Variants in TTC29 observed in about 807,000 individuals in gnomAD.
The protein encoded by TTC29 is tetratricopeptide repeat protein 29.
TTC29 carries 49 observed loss-of-function variants against 58.1 expected under a neutral mutation model. That is an observed-to-expected ratio of 0.84 (90% CI 0.67 to 1.07). The LOEUF (loss-of-function observed/expected upper bound fraction) is 1.07. Among genes scored for constraint, TTC29 ranks in the 50% least tolerant of loss-of-function variants. The probability of loss-of-function intolerance (pLI) is 0.00; values close to 1 mark genes in which losing one functional copy is unlikely to be tolerated. For synonymous variants in TTC29, 209 were observed against 196.8 expected, an observed-to-expected ratio of 1.06 and a Z score of -0.52; for missense variants, 582 against 555.6, an observed-to-expected ratio of 1.05 and a Z score of -0.48.
intron 11 of TTC29, among the ~76,000 whole-genome samples, chr4:146,761,355 A>T (rs1746884625): frequency 6.6e-6 from 1 of 151,970 alleles, no homozygotes; most frequent in South Asian, 2.1e-4. Flanking sequence ...AATTCCACAA[A>T]TTAGAGTGGG....
chr4:146,821,437 TA>T (rs955029936), intron 9 of TTC29, among the ~76,000 whole-genome samples: 9 of 151,338 alleles, frequency 5.9e-5, no homozygotes, highest in African/African-American at 1.9e-4. Context: ...AAGCTGTTTT[TA>T]AAAAAAAACT....
At chr4:146,818,154 A>G (rs1033745656) in intron 10 of TTC29, among the ~76,000 whole-genome samples, 8 of 152,142 alleles carry the variant, frequency 5.3e-5, no homozygotes, top group Non-Finnish European at 7.4e-5. Context: ...GCAACCTACA[A>G]AATGGGAGAA....
intron 4 of TTC29, among the ~76,000 whole-genome samples, chr4:146,921,629 G>A (rs765786270): frequency 3.5e-4 from 53 of 150,926 alleles, no homozygotes; most frequent in Non-Finnish European, 6.7e-4. Context: ...AATATAGCAG[G>A]TGGGAAACAA....
chr4:146,880,798 A>C (rs1731574204), intron 6 of TTC29, among the ~76,000 whole-genome samples: 1 of 152,114 alleles, frequency 6.6e-6, no homozygotes, highest in South Asian at 2.1e-4. Context: ...GATTCTATGA[A>C]TATTTTATGA....
chr4:146,786,941 C>T (rs1749066886), intron 11 of TTC29, among the ~76,000 whole-genome samples: 1 of 151,720 alleles, frequency 6.6e-6, no homozygotes, highest in South Asian at 2.1e-4. Context: ...AGTAAAAACC[C>T]CACCTCTACC....
chr4:146,818,560 T>C (rs1354335643), intron 10 of TTC29, among the ~76,000 whole-genome samples: 2 of 152,176 alleles, frequency 1.3e-5, no homozygotes, highest in Non-Finnish European at 2.9e-5. Context: ...GAAATACCAT[T>C]TGACCCAGAT....
At chr4:146,808,731 A>G (rs942776705) in intron 10 of TTC29, among the ~76,000 whole-genome samples, 13 of 152,232 alleles carry the variant, frequency 8.5e-5, no homozygotes, top group African/African-American at 3.1e-4. Flanking sequence ...CAAGGAAATA[A>G]GAGAGAACAC....
intron 11 of TTC29, among the ~76,000 whole-genome samples, chr4:146,723,247 A>C (rs1357149441): frequency 2.2e-5 from 3 of 134,964 alleles, no homozygotes; most frequent in Admixed American, 7.0e-5. Context: ...AACTCCGTCA[A>C]AAAAAAAAAA....
At chr4:146,884,450 G>A (rs1284888728) in intron 6 of TTC29, among the ~76,000 whole-genome samples, 1 of 151,994 alleles carries the variant, frequency 6.6e-6, no homozygotes, top group African/African-American at 2.4e-5. Flanking sequence ...GTTAGTGAAG[G>A]GTATATTACA....
chr4:146,823,217 T>C lies in TTC29; in HGVS notation c.978-2969A>G, dbSNP rs1004325183. Among the ~76,000 whole-genome samples, 8 of 152,240 alleles carry C rather than the reference T, an allele frequency of 5.3e-5. No individual in the cohort carries two copies. In the South Asian group the frequency reaches 1.7e-3, roughly 31 times the overall value. On this transcript the variant is annotated intron_variant, in intron 9 of 12. Coordinates refer to ENST00000325106, the MANE Select transcript of TTC29 (RefSeq NM_031956.4). ...GAATGGTATTGTCTAGGTTTACTTC[T>C]AGGGTTTTTATGGTTTGGGGTTTTA...
intron 11 of TTC29, among the ~76,000 whole-genome samples, chr4:146,777,189 T>C (rs925868025): frequency 6.6e-6 from 1 of 152,172 alleles, no homozygotes; most frequent in African/African-American, 2.4e-5. Flanking sequence ...GCGGAAGATA[T>C]TAGGTTCGCG....
chr4:146,802,040 C>T (rs1258840871), intron 11 of TTC29, among the ~76,000 whole-genome samples: 1 of 145,184 alleles, frequency 6.9e-6, no homozygotes, highest in African/African-American at 2.5e-5. Flanking sequence ...ATCAGGATGG[C>T]CTCGAATAGA....
intron 11 of TTC29, among the ~76,000 whole-genome samples, chr4:146,757,162 C>G (rs918866706): frequency 6.6e-6 from 1 of 151,122 alleles, no homozygotes; most frequent in Non-Finnish European, 1.5e-5. Flanking sequence ...TGAGTAGGAT[C>G]TGTCAGAGGG....
chr4:146,898,382 G>A (rs762822384), intron 6 of TTC29, among the ~76,000 whole-genome samples: 2 of 152,162 alleles, frequency 1.3e-5, no homozygotes, highest in African/African-American at 2.4e-5. Context: ...GCAATTTATA[G>A]AGATACACTA....
intron 9 of TTC29, among the ~76,000 whole-genome samples, chr4:146,833,041 T>C (rs963404765): frequency 6.6e-6 from 1 of 152,198 alleles, no homozygotes; most frequent in Non-Finnish European, 1.5e-5. Flanking sequence ...GAAGTACAAA[T>C]GGGAAGAAAT....
At chr4:146,803,327 A>C in intron 11 of TTC29, 130 bp downstream of exon 11, 6 of 662,362 alleles carry the variant, frequency 9.1e-6, no homozygotes, top group African/African-American at 1.8e-5. Flanking sequence ...TCATGTAGTA[A>C]TGGATCCATA....
intron 11 of TTC29, among the ~76,000 whole-genome samples, chr4:146,791,935 T>C (rs1048222842): frequency 7.9e-5 from 12 of 152,148 alleles, no homozygotes; most frequent in Non-Finnish European, 1.8e-4. Flanking sequence ...CCCCAAACTC[T>C]CTAATTCTGT....
intron 9 of TTC29, among the ~76,000 whole-genome samples, chr4:146,823,220 G>A (rs1343437506): frequency 6.6e-6 from 1 of 152,082 alleles, no homozygotes; most frequent in East Asian, 1.9e-4. Flanking sequence ...TTACTTCTAG[G>A]GTTTTTATGG....
intron 6 of TTC29, among the ~76,000 whole-genome samples, chr4:146,897,035 A>T (rs1029038697): frequency 1.3e-5 from 2 of 152,084 alleles, no homozygotes; most frequent in African/African-American, 4.8e-5. Flanking sequence ...CTCAGTTAGG[A>T]GGATGCTCTT....
Sources: allele counts gnomAD v4.1 joint callset (sites outside exome capture counted in the v4.1 genomes callset), GRCh38; gene constraint gnomAD v4.1.1; transcripts MANE v1.5; gene names NCBI Gene and HGNC (gene_info 2026-07-23, HGNC 2026-07-21).